The following RBMS1 variants were observed in gnomAD, a reference collection of about 807,000 sequenced individuals.
The protein encoded by RBMS1 is RNA-binding motif, single-stranded-interacting protein 1.
RBMS1 carries 17 observed loss-of-function variants against 62.3 expected under a neutral mutation model. The ratio of observed to expected loss-of-function variants is 0.27; its 90% CI spans 0.19 to 0.41. RBMS1 has a LOEUF of 0.41. Among genes scored for constraint, RBMS1 ranks in the 10% least tolerant of loss-of-function variants. The probability of loss-of-function intolerance (pLI) is 1.00; values close to 1 mark genes in which losing one functional copy is unlikely to be tolerated. For missense variants in RBMS1, 334 were observed against 504.5 expected, an observed-to-expected ratio of 0.66 and a Z score of 3.24; for synonymous variants, 172 against 170.0, an observed-to-expected ratio of 1.01 and a Z score of -0.09.
intron 2 of RBMS1, among the ~76,000 whole-genome samples, chr2:160,355,166 C>A (rs1024346859): frequency 1.3e-5 from 2 of 152,128 alleles, no homozygotes; most frequent in African/African-American, 4.8e-5. Context: ...GAGATCACTG[C>A]TGACCATACA....
chr2:160,460,036 G>A (rs1684397412), intron 1 of RBMS1, among the ~76,000 whole-genome samples: 1 of 152,154 alleles, frequency 6.6e-6, no homozygotes, highest in African/African-American at 2.4e-5. Context: ...TAACCTTGTA[G>A]ATAAGTTAAA....
At chr2:160,412,116 C>T (rs1234198228) in intron 1 of RBMS1, among the ~76,000 whole-genome samples, 1 of 152,156 alleles carries the variant, frequency 6.6e-6, no homozygotes, top group African/African-American at 2.4e-5. Flanking sequence ...CTCTCATAAG[C>T]CAGGAGGTGT....
intron 1 of RBMS1, among the ~76,000 whole-genome samples, chr2:160,368,435 A>T (rs1216444704): frequency 6.6e-6 from 1 of 152,204 alleles, no homozygotes; most frequent in African/African-American, 2.4e-5. Flanking sequence ...CAGCACAAAC[A>T]AGAAAGTCAG....
At chr2:160,285,360 T>G (rs1223114162) in intron 7 of RBMS1, among the ~76,000 whole-genome samples, 1 of 152,064 alleles carries the variant, frequency 6.6e-6, no homozygotes, top group Non-Finnish European at 1.5e-5. Flanking sequence ...AATATGAAAA[T>G]TAATCTCTGG....
intron 2 of RBMS1, among the ~76,000 whole-genome samples, chr2:160,352,019 CCA>C (rs1692542819): frequency 6.6e-6 from 1 of 152,062 alleles, no homozygotes; most frequent in African/African-American, 2.4e-5. Flanking sequence ...AGTAGTTTTT[CCA>C]CAGACACATG....
chr2:160,433,615 T>C (rs557537971), intron 1 of RBMS1, among the ~76,000 whole-genome samples: 5 of 152,336 alleles, frequency 3.3e-5, no homozygotes, highest in South Asian at 2.1e-4. Context: ...ACATACAGTA[T>C]GTCAATGTTA....
intron 1 of RBMS1, among the ~76,000 whole-genome samples, chr2:160,396,550 CTTTTTTTTTTTT>C (rs59600753): frequency 2.2e-4 from 17 of 77,852 alleles, no homozygotes; most frequent in African/African-American, 7.0e-4. Context: ...TTCTTTTTAT[CTTTTTTTTTTTT>C]TTTTTTTTTT....
intron 2 of RBMS1, among the ~76,000 whole-genome samples, chr2:160,355,775 C>T (rs934414154): frequency 1.3e-5 from 2 of 152,102 alleles, no homozygotes; most frequent in African/African-American, 4.8e-5. Context: ...CCATCACATG[C>T]AATCACTCCC....
At chr2:160,415,364 CA>C (rs1265943979) in intron 1 of RBMS1, among the ~76,000 whole-genome samples, 3 of 151,856 alleles carry the variant, frequency 2.0e-5, no homozygotes, top group African/African-American at 7.3e-5. Flanking sequence ...TGTATGTGAG[CA>C]AACTGTGGGT....
chr2:160,476,625 G>A (rs574025926), intron 1 of RBMS1, among the ~76,000 whole-genome samples: 24 of 143,902 alleles, frequency 1.7e-4, no homozygotes, highest in African/African-American at 6.1e-4. Context: ...CGGGATCTCG[G>A]CTCACTGCAA....
intron 1 of RBMS1, among the ~76,000 whole-genome samples, chr2:160,443,555 TC>T (rs1158917082): frequency 6.6e-6 from 1 of 151,536 alleles, no homozygotes; most frequent in Admixed American, 6.6e-5. Flanking sequence ...GTGTGGCACC[TC>T]CCCCCACCCC....
intron 1 of RBMS1, among the ~76,000 whole-genome samples, chr2:160,412,671 G>A (rs1273396195): frequency 6.6e-6 from 1 of 152,236 alleles, no homozygotes; most frequent in Non-Finnish European, 1.5e-5. Context: ...ACAATCGTGT[G>A]CTATGGGAGT....
intron 2 of RBMS1, among the ~76,000 whole-genome samples, chr2:160,357,574 A>G (rs1470343713): frequency 6.6e-6 from 1 of 152,156 alleles, no homozygotes; most frequent in Non-Finnish European, 1.5e-5. Context: ...ACAACTCAGG[A>G]TGACATTAAA....
chr2:160,404,707 C>T (rs572446193), intron 1 of RBMS1, among the ~76,000 whole-genome samples: 47 of 152,262 alleles, frequency 3.1e-4, no homozygotes, highest in African/African-American at 1.1e-3. Context: ...TACAATCATT[C>T]AGTACAGCCA....
intron 1 of RBMS1, among the ~76,000 whole-genome samples, chr2:160,468,962 G>A (rs1296922922): frequency 6.6e-6 from 1 of 152,052 alleles, no homozygotes; most frequent in Admixed American, 6.6e-5. Context: ...CAGCCCCAGA[G>A]GACCCTTCAA....
intron 1 of RBMS1, among the ~76,000 whole-genome samples, chr2:160,466,043 C>T (rs936212084): frequency 6.6e-6 from 1 of 152,168 alleles, no homozygotes; most frequent in Admixed American, 6.6e-5. Flanking sequence ...GGAATATACA[C>T]ACAAAGTGTT....
At chr2:160,377,038 G>A (rs1366149350) in intron 1 of RBMS1, among the ~76,000 whole-genome samples, 1 of 151,924 alleles carries the variant, frequency 6.6e-6, no homozygotes, top group East Asian at 1.9e-4. Context: ...AAAGATAGAG[G>A]GGAAGAGATG....
At chr2:160,418,682 T>C (rs920559058) in intron 1 of RBMS1, among the ~76,000 whole-genome samples, 7 of 152,124 alleles carry the variant, frequency 4.6e-5, no homozygotes, top group African/African-American at 7.2e-5. Context: ...AAAACCAACA[T>C]GAAAAACTGA....
intron 1 of RBMS1, among the ~76,000 whole-genome samples, chr2:160,369,451 G>A (rs1376219741): frequency 6.6e-6 from 1 of 152,180 alleles, no homozygotes; most frequent in Non-Finnish European, 1.5e-5. Context: ...CAGAGGTGCT[G>A]GAAAGTAGCC....
Sources: allele counts gnomAD v4.1 joint callset (sites outside exome capture counted in the v4.1 genomes callset), GRCh38; gene constraint gnomAD v4.1.1; transcripts MANE v1.5; gene names NCBI Gene and HGNC (gene_info 2026-07-23, HGNC 2026-07-21).